ATXN1: variants seen among roughly 807,000 people sequenced by gnomAD.
ATXN1 encodes ataxin 1, also known as ataxin-1.
Under a neutral mutation model 56.4 loss-of-function variants are expected in ATXN1, and 8 were observed. The observed-to-expected ratio is 0.14, with a 90% CI of 0.08 to 0.26. The LOEUF (loss-of-function observed/expected upper bound fraction) is 0.26. Ranked by LOEUF, ATXN1 falls within the 10% of genes least tolerant of loss-of-function variation. The probability of loss-of-function intolerance (pLI) is 1.00; values close to 1 mark genes in which losing one functional copy is unlikely to be tolerated. For missense variants in ATXN1, 987 were observed against 1,106.5 expected, an observed-to-expected ratio of 0.89 and a Z score of 1.53; for synonymous variants, 514 against 494.6, an observed-to-expected ratio of 1.04 and a Z score of -0.52.
intron 4 of ATXN1, among the ~76,000 whole-genome samples, chr6:16,584,249 C>T (rs1709166): frequency 0.068 from 4,661 of 68,256 alleles, 116 homozygotes; most frequent in African/African-American, 0.089. Context: ...TATATACACA[C>T]ACACACACAC....
chr6:16,731,263 G>T (rs987604410), intron 2 of ATXN1, among the ~76,000 whole-genome samples: 1 of 151,944 alleles, frequency 6.6e-6, no homozygotes, highest in African/African-American at 2.4e-5. Context: ...CCCGTTCTAA[G>T]ATAAGACCCG....
At chr6:16,630,800 T>G (rs953617087) in intron 3 of ATXN1, among the ~76,000 whole-genome samples, 1 of 152,238 alleles carries the variant, frequency 6.6e-6, no homozygotes, top group Non-Finnish European at 1.5e-5. Context: ...ACAGAGAGAA[T>G]GATTCTAAAT....
intron 6 of ATXN1, among the ~76,000 whole-genome samples, chr6:16,458,235 A>C (rs375409169): frequency 1.6e-4 from 25 of 152,226 alleles, no homozygotes; most frequent in African/African-American, 5.8e-4. Context: ...CTAGACTCAG[A>C]TCATGGGAAC....
intron 2 of ATXN1, among the ~76,000 whole-genome samples, chr6:16,741,406 A>C (rs1760336027): frequency 6.6e-6 from 1 of 152,196 alleles, no homozygotes; most frequent in Admixed American, 6.6e-5. Context: ...GAGAAACAGG[A>C]AACACAGGAC....
At chr6:16,330,350 T>C (rs1177522923) in intron 6 of ATXN1, among the ~76,000 whole-genome samples, 1 of 152,056 alleles carries the variant, frequency 6.6e-6, no homozygotes, top group African/African-American at 2.4e-5. Context: ...TTTGTAACTA[T>C]TTTTTAGAGG....
intron 6 of ATXN1, among the ~76,000 whole-genome samples, chr6:16,455,593 A>C (rs897308961): frequency 6.6e-6 from 1 of 152,226 alleles, no homozygotes; most frequent in Admixed American, 6.5e-5. Context: ...TAAAAACTTA[A>C]GTCCACACAA....
At chr6:16,397,620 G>A (rs1481260901) in intron 6 of ATXN1, among the ~76,000 whole-genome samples, 1 of 152,090 alleles carries the variant, frequency 6.6e-6, no homozygotes, top group Non-Finnish European at 1.5e-5. Context: ...ATAGAACTAG[G>A]GGAGAACAGT....
intron 3 of ATXN1, among the ~76,000 whole-genome samples, chr6:16,596,187 C>T (rs989866596): frequency 1.3e-5 from 2 of 151,900 alleles, no homozygotes; most frequent in Non-Finnish European, 2.9e-5. Context: ...TTTGTAAAGA[C>T]GAGGTCTCTA....
At chr6:16,310,576 G>T (rs1406551309) in intron 7 of ATXN1, among the ~76,000 whole-genome samples, 3 of 152,110 alleles carry the variant, frequency 2.0e-5, no homozygotes, top group Non-Finnish European at 4.4e-5. Context: ...TCCGCCTCCC[G>T]GGTTCAAGCG....
rs571298774 is a variant in ATXN1, at chr6:16,380,984, G to C, written c.-160-52514C>G. Among the ~76,000 whole-genome samples the C allele has an allele frequency of 4.6e-5, 7 of 152,292 alleles. No individual in the cohort carries two copies. The East Asian group carries it at 1.4e-3, about 29-fold the overall frequency. On this transcript the variant is annotated intron_variant, in intron 6 of 7. Coordinates refer to ENST00000436367, the MANE Select transcript of ATXN1 (RefSeq NM_001128164.2). ...AGGGGTTCCTAATCTGACAGAACTG[G>C]TGTCCTTGTGAAAAGGGGAAATGTG...
At chr6:16,341,672 C>T (rs535742217) in intron 6 of ATXN1, among the ~76,000 whole-genome samples, 1 of 151,978 alleles carries the variant, frequency 6.6e-6, no homozygotes, top group South Asian at 2.1e-4. Context: ...GCACCCACCA[C>T]CACGCCTGGC....
intron 2 of ATXN1, among the ~76,000 whole-genome samples, chr6:16,741,206 C>A (rs1402555142): frequency 6.6e-6 from 1 of 152,150 alleles, no homozygotes; most frequent in Non-Finnish European, 1.5e-5. Flanking sequence ...TTATGACTAT[C>A]CACTGAAACA....
intron 2 of ATXN1, among the ~76,000 whole-genome samples, chr6:16,734,784 G>A (rs1000742474): frequency 5.9e-5 from 9 of 152,106 alleles, no homozygotes; most frequent in African/African-American, 1.2e-4. Context: ...GTGAGCCACC[G>A]TGCCTAGTCT....
intron 6 of ATXN1, among the ~76,000 whole-genome samples, chr6:16,370,049 A>T (rs528210168): frequency 1.6e-4 from 25 of 152,290 alleles, no homozygotes; most frequent in Admixed American, 1.4e-3. Context: ...TTATGGTGGT[A>T]ATAATGTGGT....
At chr6:16,597,933 T>TA (rs34273547) in intron 3 of ATXN1, among the ~76,000 whole-genome samples, 9,578 of 147,716 alleles carry the variant, frequency 0.065, 988 homozygotes, top group African/African-American at 0.22. Context: ...GTCTAGGATT[T>TA]AAAAAAAAAA....
chr6:16,401,379 C>T (rs192824098), intron 6 of ATXN1, among the ~76,000 whole-genome samples: 106 of 152,284 alleles, frequency 7.0e-4, no homozygotes, highest in Middle Eastern at 3.4e-3. Flanking sequence ...GATCACTTGA[C>T]ACCAGGAGGT....
At chr6:16,653,765 A>G (rs1031933735) in intron 3 of ATXN1, among the ~76,000 whole-genome samples, 5 of 152,240 alleles carry the variant, frequency 3.3e-5, no homozygotes, top group African/African-American at 1.2e-4. Context: ...TTCAGAGAAT[A>G]TGCTGACCTC....
chr6:16,568,319 G>A (rs751830845), intron 4 of ATXN1, among the ~76,000 whole-genome samples: 1 of 152,226 alleles, frequency 6.6e-6, no homozygotes, highest in Non-Finnish European at 1.5e-5. Flanking sequence ...CAAAACGAAG[G>A]CAGAGAGAAG....
chr6:16,417,237 G>T (rs555295201), intron 6 of ATXN1, among the ~76,000 whole-genome samples: 111 of 152,212 alleles, frequency 7.3e-4, no homozygotes, highest in African/African-American at 2.6e-3. Context: ...GTCTCACTAT[G>T]TTGCCCAGGC....
Sources: allele counts gnomAD v4.1 joint callset (sites outside exome capture counted in the v4.1 genomes callset), GRCh38; gene constraint gnomAD v4.1.1; transcripts MANE v1.5; gene names NCBI Gene and HGNC (gene_info 2026-07-23, HGNC 2026-07-21).